Variants in CNPY1 observed in about 807,000 individuals in gnomAD.
The protein encoded by CNPY1 is protein canopy homolog 1.
In CNPY1, 14 loss-of-function variants were observed where a neutral mutation model predicts 14.4. The ratio of observed to expected loss-of-function variants is 0.97; its 90% CI spans 0.64 to 1.52. The LOEUF (loss-of-function observed/expected upper bound fraction) is 1.52, where lower values mean the gene tolerates loss of function less well. Ranked by LOEUF, CNPY1 falls within the 40% of genes most tolerant of loss-of-function variation. The pLI is 0.00. For missense variants in CNPY1, 129 were observed against 131.5 expected, an observed-to-expected ratio of 0.98 and a Z score of 0.09; for synonymous variants, 43 against 46.5, an observed-to-expected ratio of 0.92 and a Z score of 0.31.
At chr7:155,524,104 T>A (rs988646054) in intron 2 of CNPY1, among the ~76,000 whole-genome samples, 8 of 152,244 alleles carry the variant, frequency 5.3e-5, no homozygotes, top group Non-Finnish European at 2.9e-5. Flanking sequence ...CATTTCTGCG[T>A]AAGACATCTG....
At position 155,517,515 on chromosome 7, in the gene CNPY1, G is replaced by A. The variant is rs571862201; in HGVS notation, c.100-8418C>T. 4.6e-5 allele frequency among the ~76,000 whole-genome samples: 7 copies of A among 152,282 alleles called. No individual in the cohort carries two copies. In the South Asian group the frequency reaches 1.0e-3, roughly 23 times the overall value. On this transcript the variant is annotated intron_variant, in intron 2 of 4. Transcript: ENST00000636446. ...GTGCAGCCCAAGCCCATGGATCTGA[G>A]CATTCACCAAGAACAGGTGACTCCA...
intron 2 of CNPY1, among the ~76,000 whole-genome samples, chr7:155,521,083 G>GAAGGAAGGAAGGAAGGAAGC (rs1796714731): frequency 4.2e-5 from 5 of 120,040 alleles, no homozygotes; most frequent in Non-Finnish European, 9.7e-5. Context: ...AGGAAGCAAG[G>GAAGGAAGGAAGGAAGGAAGC]AAGGAAGGAA....
Position 155,542,999 on chromosome 7 carries a change from T to C in CNPY1, c.99+2832A>G, listed in dbSNP as rs1230343791. 2.6e-5 allele frequency among the ~76,000 whole-genome samples: 4 copies of C among 151,870 alleles called. 1 individual carries two copies. Among genetic ancestry groups the C allele is most frequent in the Admixed American group, 2.6e-4 (4 of 15,248 alleles). On this transcript the variant is annotated intron_variant, in intron 2 of 4. Transcript: ENST00000636446. ...CGAGAGGCCACTCACTCGCTTTGCTTCTTCCCGTGGCTCCCCTTAGGAACT... is the reference window on the plus strand; with the variant it reads ...CGAGAGGCCACTCACTCGCTTTGCTCCTTCCCGTGGCTCCCCTTAGGAACT...
intron 2 of CNPY1, among the ~76,000 whole-genome samples, chr7:155,540,998 G>A (rs1269508207): frequency 2.0e-5 from 3 of 152,202 alleles, no homozygotes; most frequent in African/African-American, 7.2e-5. Context: ...AAATAATAGG[G>A]AAATAACCGC....
chr7:155,523,100 A>G (rs1256497456), intron 2 of CNPY1, among the ~76,000 whole-genome samples: 1 of 152,214 alleles, frequency 6.6e-6, no homozygotes, highest in Non-Finnish European at 1.5e-5. Flanking sequence ...AATTAACAGG[A>G]CTAGGGATTT....
intron 2 of CNPY1, among the ~76,000 whole-genome samples, chr7:155,540,470 G>C (rs1367055840): frequency 6.6e-6 from 1 of 152,256 alleles, no homozygotes. Flanking sequence ...GCTAATTACA[G>C]TGGCCCAGTT....
At chr7:155,503,173 A>G (rs1796177053) in intron 4 of CNPY1, 68 bp from the exon 5 acceptor site, 3 of 1,248,870 alleles carry the variant, frequency 2.4e-6, no homozygotes, top group East Asian at 4.8e-5. Flanking sequence ...AGTCATTTAC[A>G]TTATGCAAAA....
intron 4 of CNPY1, among the ~76,000 whole-genome samples, chr7:155,505,970 A>G (rs1348944043): frequency 6.6e-6 from 1 of 152,250 alleles, no homozygotes; most frequent in Non-Finnish European, 1.5e-5. Flanking sequence ...AGCAAAAAAG[A>G]CAAAAACAAA....
intron 2 of CNPY1, among the ~76,000 whole-genome samples, chr7:155,531,342 G>T (rs186092008): frequency 2.0e-5 from 3 of 152,258 alleles, no homozygotes; most frequent in African/African-American, 7.2e-5. Context: ...CGTGCTAAAT[G>T]TTGATGTTTT....
chr7:155,533,441 C>T (rs1796975762), intron 2 of CNPY1, among the ~76,000 whole-genome samples: 1 of 152,194 alleles, frequency 6.6e-6, no homozygotes, highest in African/African-American at 2.4e-5. Context: ...CCAGGTGAGG[C>T]CTGCACAGCC....
At chr7:155,515,382 C>T (rs1796602295) in intron 2 of CNPY1, among the ~76,000 whole-genome samples, 1 of 151,702 alleles carries the variant, frequency 6.6e-6, no homozygotes, top group Non-Finnish European at 1.5e-5. Context: ...TTCCACCTCC[C>T]AGACCACCAG....
At chr7:155,533,573 G>A (rs1369223848) in intron 2 of CNPY1, among the ~76,000 whole-genome samples, 2 of 152,330 alleles carry the variant, frequency 1.3e-5, no homozygotes, top group East Asian at 1.9e-4. Flanking sequence ...AGCAGGGCCC[G>A]TCGCTTCGCT....
At chr7:155,545,338 G>C (rs182371856) in intron 2 of CNPY1, among the ~76,000 whole-genome samples, 221 of 152,284 alleles carry the variant, frequency 1.5e-3, no homozygotes, top group African/African-American at 5.1e-3. Flanking sequence ...CTGATCCTCA[G>C]GGGGAGCCCC....
At chr7:155,503,920 A>G (rs1424619) in intron 4 of CNPY1, among the ~76,000 whole-genome samples, 4,756 of 152,314 alleles carry the variant, frequency 0.031, 99 homozygotes, top group Non-Finnish European at 0.048. Flanking sequence ...GCTCTGTTCC[A>G]TACCTTGAGT....
chr7:155,504,689 A>AACGCACACAC (rs1796238082), intron 4 of CNPY1, among the ~76,000 whole-genome samples: 1 of 145,198 alleles, frequency 6.9e-6, no homozygotes, highest in African/African-American at 2.6e-5. Flanking sequence ...CATACCCCCC[A>AACGCACACAC]ACACACACAC....
At chr7:155,511,729 C>T (rs920310478) in intron 2 of CNPY1, among the ~76,000 whole-genome samples, 1 of 152,138 alleles carries the variant, frequency 6.6e-6, no homozygotes, top group African/African-American at 2.4e-5. Flanking sequence ...CTCGGAGACA[C>T]TACCTTACGA....
Position 155,526,987 on chromosome 7 carries a change from T to A in CNPY1, c.100-17890A>T, listed in dbSNP as rs569507686. Among the ~76,000 whole-genome samples the A allele has an allele frequency of 2.1e-3, 314 of 151,972 alleles. 2 individuals carry two copies. The highest frequency in any genetic ancestry group is 7.1e-3 in the African/African-American group (295 of 41,460). On this transcript the variant is annotated intron_variant, in intron 2 of 4. Coordinates refer to ENST00000636446, the MANE Select transcript of CNPY1 (RefSeq NM_001393663.1). ...CCATCTGTAGAATGGTCTTCTTAAC[T>A]GGAAAATGTCCATATCCTAGGCAGC...
intron 2 of CNPY1, among the ~76,000 whole-genome samples, chr7:155,526,827 A>C (rs886578334): frequency 3.9e-5 from 6 of 152,170 alleles, no homozygotes; most frequent in African/African-American, 1.4e-4. Context: ...GGTTAGTGTT[A>C]AAATGTTCCT....
intron 2 of CNPY1, chr7:155,518,470 A>T (rs1454262129): frequency 6.6e-6 from 1 of 152,330 alleles, no homozygotes; most frequent in East Asian, 1.9e-4. Context: ...CCGTTCTCAG[A>T]CCCAAAAGGC....
Sources: allele counts gnomAD v4.1 joint callset (sites outside exome capture counted in the v4.1 genomes callset), GRCh38; gene constraint gnomAD v4.1.1; transcripts MANE v1.5; gene names NCBI Gene and HGNC (gene_info 2026-07-23, HGNC 2026-07-21).